Variants in SORCS1 observed in about 807,000 individuals in gnomAD.
SORCS1 encodes the protein sortilin related VPS10 domain containing receptor 1.
A neutral mutation model predicts 146.1 loss-of-function variants in SORCS1; 60 were observed. The ratio of observed to expected loss-of-function variants is 0.41; its 90% confidence interval spans 0.33 to 0.51. The LOEUF is 0.51. SORCS1 is among the 20% of genes least tolerant of loss of function. The probability of loss-of-function intolerance (pLI) is 0.21; values close to 1 mark genes in which losing one functional copy is unlikely to be tolerated. For synonymous variants in SORCS1, 637 were observed against 584.0 expected (o/e 1.09, Z -1.31); for missense variants, 1,352 against 1,487.6 (o/e 0.91, Z 1.50).
At position 106,672,901 on chromosome 10, in the gene SORCS1, T is replaced by C; in HGVS notation, c.2025A>G (p.Glu675=). 6.2e-7 allele frequency: 1 copy of C among 1,614,160 alleles called. No homozygotes were observed. Among genetic ancestry groups the C allele is most frequent in the Non-Finnish European group, 8.5e-7 (1 of 1,180,000 alleles). The change falls in exon 15 of 26, where the codon GAA becomes GAG. Residue 675 remains glutamate (E), a synonymous_variant. Transcript: ENST00000263054. ...YKSIFDRRCA[E]EDYRPWQLHS... Reference sequence around the variant, plus strand: ...GCAGCTGCCAAGGTCTGTAGTCCTCTTCGGCACACCGTCTATCAAAAATGG... The same window carrying C: ...GCAGCTGCCAAGGTCTGTAGTCCTCCTCGGCACACCGTCTATCAAAAATGG...
At chr10:107,100,844 C>T (rs557924365) in intron 1 of SORCS1, among the ~76,000 whole-genome samples, 6 of 151,652 alleles carry the variant, frequency 4.0e-5, no homozygotes, top group Non-Finnish European at 5.9e-5. Context: ...ACTTCTCCCT[C>T]TTTGAGAAAA....
chr10:106,880,129 T>C (rs1472892863), intron 2 of SORCS1, among the ~76,000 whole-genome samples: 1 of 152,214 alleles, frequency 6.6e-6, no homozygotes, highest in East Asian at 1.9e-4. Context: ...ACAGTATCAT[T>C]ATTTGGAACC....
At chr10:106,641,035 G>A (rs1849039901) in intron 18 of SORCS1, among the ~76,000 whole-genome samples, 1 of 152,170 alleles carries the variant, frequency 6.6e-6, no homozygotes. Context: ...AGTCTGGGAT[G>A]GAAGTACGAC....
chr10:107,167,883 AT>A (rs1489649295), upstream of SORCS1, among the ~76,000 whole-genome samples: 2 of 152,136 alleles, frequency 1.3e-5, no homozygotes, highest in African/African-American at 4.8e-5. Flanking sequence ...GAATATGAAC[AT>A]TTAGTCATTG....
chr10:107,030,546 A>C (rs1246836189), intron 1 of SORCS1, among the ~76,000 whole-genome samples: 1 of 152,204 alleles, frequency 6.6e-6, no homozygotes, highest in Non-Finnish European at 1.5e-5. Flanking sequence ...TATTCATAAG[A>C]GGTTTTAAAG....
intron 3 of SORCS1, among the ~76,000 whole-genome samples, chr10:106,800,382 T>A (rs2136633251): frequency 6.6e-6 from 1 of 152,266 alleles, no homozygotes; most frequent in African/African-American, 2.4e-5. Context: ...TATCTCTGTT[T>A]AACAGAACAT....
intron 1 of SORCS1, among the ~76,000 whole-genome samples, chr10:107,037,019 G>A (rs772064945): frequency 1.3e-5 from 2 of 152,244 alleles, no homozygotes; most frequent in East Asian, 1.9e-4. Flanking sequence ...GCCGAGGCAG[G>A]TGGATCATCT....
At chr10:106,758,198 T>C (rs1858803989) in intron 5 of SORCS1, among the ~76,000 whole-genome samples, 1 of 152,202 alleles carries the variant, frequency 6.6e-6, no homozygotes, top group Non-Finnish European at 1.5e-5. Context: ...CTTCAAGGAA[T>C]AGGAAAGAAA....
chr10:106,866,324 A>C (rs1950220885), intron 2 of SORCS1, among the ~76,000 whole-genome samples: 1 of 151,680 alleles, frequency 6.6e-6, no homozygotes, highest in African/African-American at 2.4e-5. Context: ...CTCCAACCCC[A>C]CTCATTACCA....
chr10:106,924,516 AT>A (rs1349206183), intron 2 of SORCS1, among the ~76,000 whole-genome samples: 2 of 142,470 alleles, frequency 1.4e-5, no homozygotes, highest in South Asian at 4.4e-4. Flanking sequence ...TATCTATCTA[AT>A]TTGCATTGGG....
chr10:107,170,244 C>T, the SORCS1 span, among the ~76,000 whole-genome samples: 32,846 of 152,008 alleles, frequency 0.22, 3,604 homozygotes, highest in African/African-American at 0.23. Flanking sequence ...TACTAAATCA[C>T]GAAACCAACT....
intron 18 of SORCS1, among the ~76,000 whole-genome samples, chr10:106,635,612 A>G (rs1000272351): frequency 6.6e-6 from 1 of 152,128 alleles, no homozygotes; most frequent in Non-Finnish European, 1.5e-5. Context: ...CCAAATTTAA[A>G]AGGGGGTAGA....
chr10:106,822,796 T>TG (rs1948115482), intron 3 of SORCS1, among the ~76,000 whole-genome samples: 1 of 140,988 alleles, frequency 7.1e-6, no homozygotes, highest in African/African-American at 3.1e-5. Flanking sequence ...TTTTTTTTTT[T>TG]TTTTTTGAAT....
chr10:106,968,428 CAA>C (rs1955614033), intron 1 of SORCS1, among the ~76,000 whole-genome samples: 2 of 152,334 alleles, frequency 1.3e-5, no homozygotes, highest in South Asian at 4.1e-4. Context: ...AACCCACACA[CAA>C]AGTGAACACA....
chr10:107,022,091 T>A (rs1176781083), intron 1 of SORCS1, among the ~76,000 whole-genome samples: 1 of 152,166 alleles, frequency 6.6e-6, no homozygotes, highest in Admixed American at 6.5e-5. Flanking sequence ...CTCCCTCATT[T>A]CCAGGATGGA....
chr10:107,164,805 G>C (rs1969991725), upstream of SORCS1, among the ~76,000 whole-genome samples: 1 of 148,080 alleles, frequency 6.8e-6, no homozygotes, highest in South Asian at 2.1e-4. The surrounding 1 kb of genome is among the most constrained non-coding windows in gnomAD (Gnocchi z 6.8). Flanking sequence ...CGGGCGACGC[G>C]GGAGGGAGGG....
At chr10:106,948,680 C>T (rs1172209171) in intron 2 of SORCS1, among the ~76,000 whole-genome samples, 1 of 151,854 alleles carries the variant, frequency 6.6e-6, no homozygotes, top group African/African-American at 2.4e-5. Flanking sequence ...TAACTGTAGG[C>T]CGGGCGCAGT....
intron 7 of SORCS1, among the ~76,000 whole-genome samples, chr10:106,708,349 T>C (rs1172904292): frequency 6.6e-6 from 1 of 152,168 alleles, no homozygotes; most frequent in Admixed American, 6.5e-5. Flanking sequence ...TCAAAGCATG[T>C]AATTAAATAT....
chr10:106,879,048 G>T (rs561708173), intron 2 of SORCS1, among the ~76,000 whole-genome samples: 56 of 151,410 alleles, frequency 3.7e-4, no homozygotes, highest in African/African-American at 1.3e-3. Flanking sequence ...TACTCGGGGG[G>T]CTGAGGCAGG....
Sources: gnomAD v4.1 joint callset for allele counts (sites outside exome capture counted in the v4.1 genomes callset) on GRCh38, gnomAD v4.1.1 for gene constraint, Gnocchi (gnomAD v3.1) non-coding constraint, MANE v1.5 for transcripts, NCBI Gene and HGNC (gene_info 2026-07-23, HGNC 2026-07-21) for gene names.